The following ITPR2 variants were observed in gnomAD, a reference collection of about 807,000 sequenced individuals.
ITPR2 encodes inositol 1,4,5-trisphosphate-gated calcium channel ITPR2.
A neutral mutation model predicts 317.1 loss-of-function variants in ITPR2; 207 were observed. That is an observed-to-expected ratio of 0.65 (90% CI 0.58 to 0.73). ITPR2 has a LOEUF of 0.73. ITPR2 is among the 30% of genes least tolerant of loss of function. The probability of loss-of-function intolerance (pLI) is 0.00; values close to 1 mark genes in which losing one functional copy is unlikely to be tolerated. For missense variants in ITPR2, 2,613 were observed against 3,284.0 expected, an observed-to-expected ratio of 0.80 and a Z score of 4.99; for synonymous variants, 1,156 against 1,149.1, an observed-to-expected ratio of 1.01 and a Z score of -0.12.
intron 2 of ITPR2, among the ~76,000 whole-genome samples, chr12:26,759,512 A>T (rs529816391): frequency 3.5e-4 from 54 of 152,290 alleles, no homozygotes; most frequent in Admixed American, 2.6e-3. Context: ...TATCTTACCT[A>T]AGGAAATTGC....
At chr12:26,614,474 C>G (rs1305937749) in intron 26 of ITPR2, among the ~76,000 whole-genome samples, 1 of 152,114 alleles carries the variant, frequency 6.6e-6, no homozygotes, top group Non-Finnish European at 1.5e-5. Context: ...CTATGTCAAC[C>G]CCAGAACTAA....
intron 45 of ITPR2, among the ~76,000 whole-genome samples, chr12:26,456,761 C>T (rs1941896297): frequency 6.6e-6 from 1 of 152,148 alleles, no homozygotes; most frequent in Non-Finnish European, 1.5e-5. Flanking sequence ...CAACCTCCAC[C>T]ACCCGGGTTC....
chr12:26,419,628 T>A (rs1284865781), intron 49 of ITPR2: 1 of 154,298 alleles, frequency 6.5e-6, no homozygotes, highest in Non-Finnish European at 1.4e-5. Flanking sequence ...TTCCATCTCA[T>A]AGAACCCCTC....
chr12:26,703,304 G>T (rs527409052), intron 9 of ITPR2, among the ~76,000 whole-genome samples: 1 of 152,212 alleles, frequency 6.6e-6, no homozygotes, highest in Non-Finnish European at 1.5e-5. Flanking sequence ...ATGTCCCAGA[G>T]ATTGAGTTAA....
In ITPR2 at chr12:26,340,150, TCCCTG is replaced by T; in HGVS notation, c.8019+12_8019+16del. ...TGACTTTATCCCACCCAGCCCCATC[TCCCTG>T]AATGCACCCACCTGCTCCTTGAGCT... is the stretch of plus-strand genomic sequence containing the variant. On this transcript the variant is annotated intron_variant, in intron 56 of 56. Coordinates refer to ENST00000381340, the MANE Select transcript of ITPR2 (RefSeq NM_002223.4). The T allele has an allele frequency of 6.3e-7, 1 of 1,582,688 alleles. No homozygotes were observed. The highest frequency in any genetic ancestry group is 1.2e-5 in the South Asian group (1 of 85,298).
intron 2 of ITPR2, among the ~76,000 whole-genome samples, chr12:26,747,627 A>G (rs1949347661): frequency 6.6e-6 from 1 of 152,164 alleles, no homozygotes; most frequent in Admixed American, 6.5e-5. Context: ...CACTTCCTAA[A>G]CATCACTGAA....
intron 30 of ITPR2, among the ~76,000 whole-genome samples, chr12:26,598,445 G>A (rs761547495): frequency 6.6e-6 from 1 of 152,134 alleles, no homozygotes; most frequent in Non-Finnish European, 1.5e-5. Flanking sequence ...TAACCCAAAT[G>A]GGCCACTAGA....
chr12:26,606,775 TA>T (rs57676343), intron 26 of ITPR2, among the ~76,000 whole-genome samples: 9 of 149,590 alleles, frequency 6.0e-5, no homozygotes, highest in South Asian at 2.1e-4. Context: ...CTATAAAAAA[TA>T]AAAAAAAAAT....
chr12:26,500,430 T>A (rs1252107861), intron 37 of ITPR2, among the ~76,000 whole-genome samples: 1 of 152,220 alleles, frequency 6.6e-6, no homozygotes, highest in African/African-American at 2.4e-5. Context: ...GCATTCCTGA[T>A]GCACCTCCCA....
intron 37 of ITPR2, among the ~76,000 whole-genome samples, chr12:26,518,471 A>G (rs930608782): frequency 1.3e-5 from 2 of 151,688 alleles, no homozygotes; most frequent in South Asian, 4.2e-4. Flanking sequence ...CCCCTGTGAC[A>G]TGCAATTTAC....
chr12:26,658,395 G>A (rs146519597), intron 16 of ITPR2, among the ~76,000 whole-genome samples: 61 of 152,156 alleles, frequency 4.0e-4, no homozygotes, highest in African/African-American at 1.4e-3. Flanking sequence ...CCACAGCACC[G>A]TGACTTATGT....
intron 9 of ITPR2, among the ~76,000 whole-genome samples, chr12:26,697,379 T>G (rs1948370784): frequency 6.6e-6 from 1 of 152,062 alleles, no homozygotes; most frequent in Non-Finnish European, 1.5e-5. Flanking sequence ...CTTCTCAGAG[T>G]CTTTCTCAAC....
chr12:26,414,829 G>C (rs1940668625), intron 51 of ITPR2, among the ~76,000 whole-genome samples: 1 of 151,914 alleles, frequency 6.6e-6, no homozygotes, highest in East Asian at 1.9e-4. Context: ...TCAATATTTT[G>C]AGCAAATTTC....
At chr12:26,688,804 T>A (rs1041034843) in intron 10 of ITPR2, among the ~76,000 whole-genome samples, 1 of 152,062 alleles carries the variant, frequency 6.6e-6, no homozygotes, top group East Asian at 1.9e-4. Flanking sequence ...TTATCTTGGG[T>A]CTTGGGACCC....
chr12:26,372,907 C>G (rs1342596221), intron 55 of ITPR2, among the ~76,000 whole-genome samples: 2 of 152,182 alleles, frequency 1.3e-5, no homozygotes, highest in African/African-American at 4.8e-5. Context: ...CCCCCGACCC[C>G]AGCCAGAATC....
At chr12:26,478,164 C>T (rs1220101792) in intron 43 of ITPR2, among the ~76,000 whole-genome samples, 3 of 152,060 alleles carry the variant, frequency 2.0e-5, no homozygotes, top group Non-Finnish European at 4.4e-5. Flanking sequence ...TATTTTCCCC[C>T]CAGAAGTACA....
chr12:26,461,014 T>C (rs1191621451), intron 45 of ITPR2, among the ~76,000 whole-genome samples: 1 of 152,228 alleles, frequency 6.6e-6, no homozygotes, highest in Admixed American at 6.5e-5. Context: ...AACATGTGCC[T>C]GCTCTGTCAA....
chr12:26,491,413 G>A (rs1942797730), intron 39 of ITPR2, among the ~76,000 whole-genome samples: 1 of 148,032 alleles, frequency 6.8e-6, no homozygotes, highest in African/African-American at 2.5e-5. Flanking sequence ...AACCCAGGAG[G>A]CGGAGTTTGC....
Position 26,338,412 on chromosome 12 carries a change from G to A in ITPR2, c.*985C>T, listed in dbSNP as rs2136535315. On this transcript the variant is annotated 3_prime_UTR_variant, in exon 57 of 57. Transcript: ENST00000381340. ...TTTTTTTTTCCTAACTGCAGGAACAGCATACATAAAAACGCTCGGGTCCTG... is the reference window on the plus strand; with the variant it reads ...TTTTTTTTTCCTAACTGCAGGAACAACATACATAAAAACGCTCGGGTCCTG... 6.6e-6 allele frequency: 1 copy of A among 152,622 alleles called. No individual in the cohort carries two copies. The highest frequency in any genetic ancestry group is 2.4e-5 in the African/African-American group (1 of 41,528). The allele number at this position is 152,622 out of a possible 1,614,324, so 9.5% of individuals were successfully genotyped here. A position where few individuals can be genotyped will look rare whatever the true frequency, so the allele number is the denominator to read the frequency against.
Sources: allele counts gnomAD v4.1 joint callset (sites outside exome capture counted in the v4.1 genomes callset), GRCh38; gene constraint gnomAD v4.1.1; transcripts MANE v1.5; gene names NCBI Gene and HGNC (gene_info 2026-07-23, HGNC 2026-07-21).